Variants in RAPGEF4 observed in about 807,000 individuals in gnomAD.
The protein encoded by RAPGEF4 is RAP guanine-nucleotide-exchange factor (GEF) 4.
In RAPGEF4, 66 loss-of-function variants were observed where a neutral mutation model predicts 147.9. The ratio of observed to expected loss-of-function variants is 0.45; its 90% CI spans 0.37 to 0.55. The LOEUF is 0.55. Ranked by LOEUF, RAPGEF4 falls within the 20% of genes least tolerant of loss-of-function variation. The pLI, the probability that RAPGEF4 is intolerant of heterozygous loss-of-function variation, is 0.00. For missense variants in RAPGEF4, 1,071 were observed against 1,257.3 expected (o/e 0.85, Z 2.24); for synonymous variants, 419 against 442.7 (o/e 0.95, Z 0.67).
chr2:172,831,266 C>CTTTTTTT (rs71018521), intron 4 of RAPGEF4, among the ~76,000 whole-genome samples: 1,027 of 53,816 alleles, frequency 0.019, 241 homozygotes, highest in Admixed American at 0.032. Flanking sequence ...AGATAGAAAA[C>CTTTTTTT]TTTTTTTTTT....
At chr2:172,963,099 C>A (rs1689467139) in intron 8 of RAPGEF4, among the ~76,000 whole-genome samples, 1 of 152,058 alleles carries the variant, frequency 6.6e-6, no homozygotes, top group African/African-American at 2.4e-5. Context: ...GGGGTGGTGC[C>A]ACACACTATT....
intron 1 of RAPGEF4, among the ~76,000 whole-genome samples, chr2:172,748,348 G>A (rs535712053): frequency 2.0e-5 from 3 of 152,162 alleles, no homozygotes; most frequent in Admixed American, 1.3e-4. Context: ...AGAAAAAGAG[G>A]TTTAATGGAC....
At chr2:172,873,400 T>G (rs918963136) in intron 4 of RAPGEF4, among the ~76,000 whole-genome samples, 1 of 152,206 alleles carries the variant, frequency 6.6e-6, no homozygotes, top group African/African-American at 2.4e-5. Context: ...ATTTTAACTG[T>G]CATCCATATT....
intron 23 of RAPGEF4, among the ~76,000 whole-genome samples, chr2:173,024,380 G>C (rs2105939682): frequency 6.7e-6 from 1 of 149,518 alleles, no homozygotes. Context: ...ACTACGCCCG[G>C]CTAATTTTTT....
chr2:172,882,590 A>C (rs1455568501), intron 4 of RAPGEF4, among the ~76,000 whole-genome samples: 1 of 152,176 alleles, frequency 6.6e-6, no homozygotes, highest in African/African-American at 2.4e-5. Flanking sequence ...TCAGAAACTC[A>C]AGGTCTGTGT....
intron 4 of RAPGEF4, among the ~76,000 whole-genome samples, chr2:172,826,647 A>C (rs1189263871): frequency 2.6e-5 from 4 of 152,214 alleles, no homozygotes; most frequent in Non-Finnish European, 5.9e-5. Flanking sequence ...TTTGTGAACA[A>C]CACCTTGAAA....
At chr2:172,830,665 G>A (rs1450751976) in intron 4 of RAPGEF4, among the ~76,000 whole-genome samples, 1 of 152,190 alleles carries the variant, frequency 6.6e-6, no homozygotes. Flanking sequence ...GTGCAGTGGT[G>A]CAATCACGGC....
intron 4 of RAPGEF4, among the ~76,000 whole-genome samples, chr2:172,840,796 C>T (rs1419017015): frequency 1.3e-5 from 2 of 152,214 alleles, no homozygotes; most frequent in East Asian, 3.9e-4. Flanking sequence ...GTCTTGTTAG[C>T]TCTAGGGGTC....
chr2:172,767,420 C>T (rs1696954856), intron 1 of RAPGEF4, among the ~76,000 whole-genome samples: 1 of 152,042 alleles, frequency 6.6e-6, no homozygotes. Context: ...CTCAAATGAT[C>T]CACCTGCCTC....
At chr2:172,995,506 C>A (rs1261860840) in intron 15 of RAPGEF4, among the ~76,000 whole-genome samples, 2 of 152,120 alleles carry the variant, frequency 1.3e-5, no homozygotes, top group Non-Finnish European at 2.9e-5. Flanking sequence ...TTGCGAACTT[C>A]TGAGCTCAGG....
intron 25 of RAPGEF4, 101 bp downstream of exon 25, chr2:173,027,360 C>G (rs773071587): frequency 2.0e-5 from 19 of 972,426 alleles, no homozygotes; most frequent in Non-Finnish European, 2.8e-5. Flanking sequence ...GATCTAGGAA[C>G]TGCTAGAGGG....
intron 1 of RAPGEF4, among the ~76,000 whole-genome samples, chr2:172,752,473 G>A (rs13413998): frequency 0.12 from 18,675 of 152,210 alleles, 1,196 homozygotes; most frequent in Middle Eastern, 0.16. Context: ...AAGGTAACTT[G>A]AGAATACTAA....
chr2:172,863,603 G>T (rs1294120213), intron 4 of RAPGEF4, among the ~76,000 whole-genome samples: 1 of 152,152 alleles, frequency 6.6e-6, no homozygotes, highest in Non-Finnish European at 1.5e-5. Context: ...ATGGCTAGTT[G>T]ACCTTTCAGA....
At chr2:172,778,438 T>A (rs1255825229) in intron 1 of RAPGEF4, among the ~76,000 whole-genome samples, 2 of 152,192 alleles carry the variant, frequency 1.3e-5, no homozygotes, top group Non-Finnish European at 2.9e-5. Context: ...AAGCTAAAAT[T>A]AAGCACCCCC....
intron 26 of RAPGEF4, 107 bp downstream of exon 26, chr2:173,030,361 G>A (rs1294450013): frequency 2.3e-6 from 2 of 862,372 alleles, no homozygotes; most frequent in Non-Finnish European, 3.8e-6. Flanking sequence ...TATAACAATG[G>A]GAAAGGTGGG....
chr2:172,760,013 G>A (rs1034545519), intron 1 of RAPGEF4, among the ~76,000 whole-genome samples: 4 of 152,186 alleles, frequency 2.6e-5, no homozygotes, highest in Non-Finnish European at 4.4e-5. Context: ...GATATTGACA[G>A]CTACCCAGAA....
intron 6 of RAPGEF4, among the ~76,000 whole-genome samples, chr2:172,930,192 A>G (rs1685769948): frequency 6.6e-6 from 1 of 152,182 alleles, no homozygotes; most frequent in African/African-American, 2.4e-5. Flanking sequence ...ACAGGAAAAG[A>G]GTACCCGAAT....
intron 4 of RAPGEF4, among the ~76,000 whole-genome samples, chr2:172,852,922 G>C (rs373294814): frequency 6.6e-6 from 1 of 151,758 alleles, no homozygotes; most frequent in Non-Finnish European, 1.5e-5. Context: ...GCATTACATG[G>C]GTTGATTTTT....
intron 3 of RAPGEF4, 111 bp from the exon 4 acceptor site, chr2:172,814,168 C>G (rs529143057): frequency 9.6e-7 from 1 of 1,043,504 alleles, no homozygotes; most frequent in Non-Finnish European, 1.4e-6. Context: ...TTGAACTATG[C>G]AATTAAATTG....
Sources: gnomAD v4.1 joint callset for allele counts (sites outside exome capture counted in the v4.1 genomes callset) on GRCh38, gnomAD v4.1.1 for gene constraint, MANE v1.5 for transcripts, NCBI Gene and HGNC (gene_info 2026-07-23, HGNC 2026-07-21) for gene names.